LIPC: variants seen among roughly 807,000 people sequenced by gnomAD.
LIPC encodes the protein hepatic triacylglycerol lipase.
A neutral mutation model predicts 50.7 loss-of-function variants in LIPC; 44 were observed. The observed-to-expected ratio is 0.87, with a 90% confidence interval of 0.68 to 1.11. LIPC has a LOEUF of 1.11. Ranked by LOEUF, LIPC falls within the 50% of genes most tolerant of loss-of-function variation. The pLI is 0.00. For missense variants in LIPC, 697 were observed against 648.2 expected, an observed-to-expected ratio of 1.08 and a Z score of -0.82; for synonymous variants, 271 against 256.4, an observed-to-expected ratio of 1.06 and a Z score of -0.54.
At chr15:58,524,166 C>A (rs1486673102) in intron 1 of LIPC, among the ~76,000 whole-genome samples, 1 of 152,128 alleles carries the variant, frequency 6.6e-6, no homozygotes, top group Admixed American at 6.5e-5. Flanking sequence ...GAGTTATTTA[C>A]TTATGCCCCC....
chr15:58,438,791 G>A (rs1019637279), intron 1 of LIPC, among the ~76,000 whole-genome samples: 14 of 152,202 alleles, frequency 9.2e-5, no homozygotes, highest in Non-Finnish European at 1.3e-4. Context: ...TTCTGGCTCA[G>A]GAGAATGGAG....
chr15:58,515,173 C>G (rs1892447447), intron 1 of LIPC, among the ~76,000 whole-genome samples: 1 of 152,144 alleles, frequency 6.6e-6, no homozygotes, highest in Admixed American at 6.5e-5. Flanking sequence ...TTCAAAGAAA[C>G]AAGGATAATC....
At chr15:58,461,582 ATTT>A (rs34329800) in intron 1 of LIPC, among the ~76,000 whole-genome samples, 1 of 141,080 alleles carries the variant, frequency 7.1e-6, no homozygotes, top group African/African-American at 2.6e-5. Flanking sequence ...CTAATTTTTG[ATTT>A]TTTTTTTTTT....
At chr15:58,520,123 G>GTT (rs1426165256) in intron 1 of LIPC, among the ~76,000 whole-genome samples, 23 of 124,708 alleles carry the variant, frequency 1.8e-4, no homozygotes, top group African/African-American at 6.4e-4. Flanking sequence ...TTTTTTTTTT[G>GTT]TTTTTTTTTT....
intron 1 of LIPC, among the ~76,000 whole-genome samples, chr15:58,502,210 A>C (rs1456324312): frequency 6.6e-6 from 1 of 152,128 alleles, no homozygotes; most frequent in Non-Finnish European, 1.5e-5. Context: ...GCCGTTCCCC[A>C]GATGCCCCCT....
intron 1 of LIPC, among the ~76,000 whole-genome samples, chr15:58,450,116 C>A (rs1260100099): frequency 6.6e-6 from 1 of 152,132 alleles, no homozygotes; most frequent in Non-Finnish European, 1.5e-5. Context: ...AGAGTCAAGA[C>A]CCCCAAGGAG....
intron 1 of LIPC, among the ~76,000 whole-genome samples, chr15:58,527,862 C>T (rs1217444569): frequency 6.6e-6 from 1 of 152,140 alleles, no homozygotes; most frequent in Non-Finnish European, 1.5e-5. Flanking sequence ...CAAGAGCCAG[C>T]CCTCTCAGCC....
At position 58,568,700 on chromosome 15, in the gene LIPC, C is replaced by G. The variant is rs1179286400; in HGVS notation, c.1389-16C>G. The stretch of plus-strand genomic sequence containing the variant: ...CTAAAACTTAATGCTGTGTTTGCTT[C>G]CTGTTTTCTATTCAGAATGACATTT... On this transcript the variant is annotated splice_polypyrimidine_tract_variant and intron_variant, in intron 8 of 8. Transcript: ENST00000299022. 1 of 1,440,160 alleles carries G rather than the reference C, an allele frequency of 6.9e-7. No individual in the cohort carries two copies. The highest frequency in any genetic ancestry group is 2.3e-5 in the East Asian group (1 of 43,440). 89.2% of individuals were successfully genotyped at this position (1,440,160 alleles called of 1,614,324 possible).
At chr15:58,537,331 T>C (rs1343079745) in intron 1 of LIPC, among the ~76,000 whole-genome samples, 1 of 152,164 alleles carries the variant, frequency 6.6e-6, no homozygotes, top group African/African-American at 2.4e-5. Flanking sequence ...AAGTGGCTCA[T>C]GGTCATAGTG....
At chr15:58,504,067 G>A (rs1185541688) in intron 1 of LIPC, among the ~76,000 whole-genome samples, 2 of 152,194 alleles carry the variant, frequency 1.3e-5, no homozygotes, top group Non-Finnish European at 2.9e-5. Flanking sequence ...AGAAAGCCCT[G>A]TATACCACAG....
chr15:58,548,416 G>A lies in LIPC; in HGVS notation c.895G>A (p.Ala299Thr). Reference sequence around the variant, plus strand: ...GCTGCACGCCGGCACGCAGAGCATGGCCTACCCGTGTGGTGACATGAACAG... The same window carrying A: ...GCTGCACGCCGGCACGCAGAGCATGACCTACCCGTGTGGTGACATGAACAG... ...SLLHAGTQSM[A>T]YPCGDMNSFS... Residue 299 changes from alanine (A) to threonine (T), a missense_variant, in exon 6 of 9, where the codon GCC becomes ACC. Transcript: ENST00000299022. The A allele has an allele frequency of 6.2e-7, 1 of 1,614,114 alleles. No individual in the cohort carries two copies. The highest frequency in any genetic ancestry group is 8.5e-7 in the Non-Finnish European group (1 of 1,180,030).
Position 58,566,376 on chromosome 15 carries a change from C to T in LIPC, c.1389-2340C>T, listed in dbSNP as rs1481077267. The T allele has an allele frequency of 1.1e-5, 11 of 985,272 alleles. No homozygotes were observed. The Admixed American group carries it at 2.5e-4, about 22-fold the overall frequency. The allele number at this position is 985,272 out of a possible 1,614,324, so 61.0% of individuals were successfully genotyped here. On this transcript the variant is annotated intron_variant, in intron 8 of 8. Coordinates refer to ENST00000299022, the MANE Select transcript of LIPC (RefSeq NM_000236.3). ...CTAAACTCACATTTTAACTTCACTGCTCACAATCTGTGTAGCCTCAAACAA... is the reference window on the plus strand; with the variant it reads ...CTAAACTCACATTTTAACTTCACTGTTCACAATCTGTGTAGCCTCAAACAA...
At chr15:58,568,487 T>C (rs1325866579) in intron 8 of LIPC, among the ~76,000 whole-genome samples, 1 of 152,222 alleles carries the variant, frequency 6.6e-6, no homozygotes, top group African/African-American at 2.4e-5. Flanking sequence ...CTTACAGAAC[T>C]GAAATCACCC....
chr15:58,452,479 A>C (rs1893937688), intron 1 of LIPC, among the ~76,000 whole-genome samples: 1 of 152,214 alleles, frequency 6.6e-6, no homozygotes, highest in Non-Finnish European at 1.5e-5. Flanking sequence ...TCCAGCCTTC[A>C]GCCACGCACT....
intron 1 of LIPC, chr15:58,435,186 TGGA>T (rs1257260569): frequency 2.0e-5 from 3 of 152,254 alleles, no homozygotes; most frequent in Non-Finnish European, 4.4e-5. Flanking sequence ...AAGTTTTAAA[TGGA>T]GAAGAGTGAC....
intron 1 of LIPC, among the ~76,000 whole-genome samples, chr15:58,508,515 T>G (rs554081910): frequency 6.6e-6 from 1 of 152,308 alleles, no homozygotes; most frequent in Admixed American, 6.5e-5. Flanking sequence ...GAAACGCCTT[T>G]CCTAGCTGGT....
chr15:58,547,381 T>C (rs752665020), intron 5 of LIPC, among the ~76,000 whole-genome samples: 12 of 152,168 alleles, frequency 7.9e-5, no homozygotes, highest in Non-Finnish European at 1.5e-4. Flanking sequence ...GCAGTGAAGA[T>C]GCAGGCAGTG....
chr15:58,550,354 G>A (rs989545350), intron 6 of LIPC, among the ~76,000 whole-genome samples: 2 of 152,312 alleles, frequency 1.3e-5, no homozygotes, highest in South Asian at 4.1e-4. Context: ...TGGGGACTTG[G>A]AGATTGGGAA....
intron 6 of LIPC, among the ~76,000 whole-genome samples, chr15:58,553,882 A>G (rs577134902): frequency 2.3e-4 from 35 of 152,180 alleles, no homozygotes; most frequent in African/African-American, 7.9e-4. Flanking sequence ...TATGATCTTC[A>G]GCTTCCCTCT....
Sources: allele counts gnomAD v4.1 joint callset (sites outside exome capture counted in the v4.1 genomes callset), GRCh38; gene constraint gnomAD v4.1.1; transcripts MANE v1.5; gene names NCBI Gene and HGNC (gene_info 2026-07-23, HGNC 2026-07-21).